STAM2: variants seen among roughly 807,000 people sequenced by gnomAD.
STAM2 encodes signal transducing adaptor molecule 2, also known as signal transducing adapter molecule 2.
Under a neutral mutation model 65.6 loss-of-function variants are expected in STAM2, and 51 were observed. The ratio of observed to expected loss-of-function variants is 0.78; its 90% CI spans 0.62 to 0.98. STAM2 has a LOEUF of 0.98. STAM2 is among the 50% of genes least tolerant of loss of function. The pLI, the probability that STAM2 is intolerant of heterozygous loss-of-function variation, is 0.00. For synonymous variants in STAM2, 198 were observed against 208.4 expected, an observed-to-expected ratio of 0.95 and a Z score of 0.43; for missense variants, 584 against 617.8, an observed-to-expected ratio of 0.95 and a Z score of 0.58.
intron 1 of STAM2, among the ~76,000 whole-genome samples, chr2:152,163,409 G>T (rs547608434): frequency 2.8e-4 from 43 of 152,306 alleles, no homozygotes; most frequent in South Asian, 8.3e-4. Context: ...CGTAAGCTGA[G>T]AATGTATGTC....
At chr2:152,147,525 C>T (rs555811522) in intron 4 of STAM2, among the ~76,000 whole-genome samples, 97 of 152,198 alleles carry the variant, frequency 6.4e-4, no homozygotes, top group Non-Finnish European at 1.0e-4. Flanking sequence ...AACACCAATT[C>T]CTAAGTCTTA....
In STAM2 at chr2:152,126,212, A is replaced by G. The variant is rs1688961602; in HGVS notation, c.1179+14T>C. 6.4e-7 allele frequency: 1 copy of G among 1,554,156 alleles called. No individual in the cohort carries two copies. Among genetic ancestry groups the G allele is most frequent in the Non-Finnish European group, 8.7e-7 (1 of 1,155,766 alleles). On this transcript the variant is annotated intron_variant, in intron 12 of 13. Coordinates refer to ENST00000263904, the MANE Select transcript of STAM2 (RefSeq NM_005843.6). ...GTTTATAATTTAGAAAATGTTCTCA[A>G]AAAACATGCTCACCTGCATTGGAAC... is the stretch of plus-strand genomic sequence containing the variant.
chr2:152,141,131 CCT>C (rs1157891810), intron 7 of STAM2, among the ~76,000 whole-genome samples: 1 of 112,466 alleles, frequency 8.9e-6, no homozygotes, highest in East Asian at 2.6e-4. Flanking sequence ...AGAGTGAGAC[CCT>C]GTCTCAAAAA....
intron 1 of STAM2, among the ~76,000 whole-genome samples, chr2:152,166,656 T>A (rs942990725): frequency 1.6e-4 from 24 of 151,956 alleles, no homozygotes; most frequent in African/African-American, 5.8e-4. Context: ...GAGAACCTAA[T>A]AAGGTATTAA....
chr2:152,168,263 T>A (rs528048570), intron 1 of STAM2, among the ~76,000 whole-genome samples: 1 of 151,902 alleles, frequency 6.6e-6, no homozygotes, highest in African/African-American at 2.4e-5. Flanking sequence ...CGGGTTCAAG[T>A]GATTCTCCTG....
intron 7 of STAM2, among the ~76,000 whole-genome samples, chr2:152,142,612 A>C (rs1244226035): frequency 6.6e-6 from 1 of 152,200 alleles, no homozygotes; most frequent in Non-Finnish European, 1.5e-5. Context: ...TACTTTCAGT[A>C]CAGTATTCAA....
In STAM2 at chr2:152,133,156, A is replaced by G; in HGVS notation, c.970+17T>C. 7.6e-7 allele frequency: 1 copy of G among 1,308,102 alleles called. No individual in the cohort carries two copies. The highest frequency in any genetic ancestry group is 1.0e-6 in the Non-Finnish European group (1 of 981,050). The allele number at this position is 1,308,102 out of a possible 1,614,324, so 81.0% of individuals were successfully genotyped here. On this transcript the variant is annotated intron_variant, in intron 10 of 13. Coordinates refer to ENST00000263904, the MANE Select transcript of STAM2 (RefSeq NM_005843.6). ...TATTAAATAATATTAAAATAATATA[A>G]AATATTCACTAAGTACCTTCTAAAT... is the stretch of plus-strand genomic sequence containing the variant.
At chr2:152,132,009 C>T (rs895198444) in intron 11 of STAM2, 105 bp downstream of exon 11, 1 of 678,804 alleles carries the variant, frequency 1.5e-6, no homozygotes, top group Non-Finnish European at 2.4e-6. Flanking sequence ...AAACAATTTC[C>T]ATGAATTGTA....
Position 152,148,043 on chromosome 2 carries a change from C to T in STAM2, c.281G>A (p.Arg94His), listed in dbSNP as rs180795314. 50 of 1,609,340 alleles carry T rather than the reference C, an allele frequency of 3.1e-5. No individual in the cohort carries two copies. In the East Asian group the frequency reaches 4.2e-4, roughly 14 times the overall value. ...ATTTACCTTATTTTTAATCACAGCACGTACTTCTGTTGCAAAATCACGGGA... is the reference window on the plus strand; with the variant it reads ...ATTTACCTTATTTTTAATCACAGCATGTACTTCTGTTGCAAAATCACGGGA... Reference protein sequence around the residue: ...VCSRDFATEVRAVIKNKAHPK... With the variant: ...VCSRDFATEVHAVIKNKAHPK... The change falls in exon 4 of 14, where the codon CGT becomes CAT. Residue 94 changes from arginine (R) to histidine (H), a missense_variant. Coordinates refer to ENST00000263904, the MANE Select transcript of STAM2 (RefSeq NM_005843.6).
intron 1 of STAM2, among the ~76,000 whole-genome samples, chr2:152,159,570 T>C (rs1689620261): frequency 6.6e-6 from 1 of 152,232 alleles, no homozygotes; most frequent in Non-Finnish European, 1.5e-5. Context: ...CCTAATCCTC[T>C]ATCATCTCCT....
intron 1 of STAM2, among the ~76,000 whole-genome samples, chr2:152,162,647 A>C (rs539557768): frequency 2.6e-5 from 4 of 152,058 alleles, no homozygotes; most frequent in Non-Finnish European, 4.4e-5. Flanking sequence ...AATTATTCTT[A>C]TTATTATAAT....
At chr2:152,170,402 G>C (rs184170123) in intron 1 of STAM2, among the ~76,000 whole-genome samples, 1 of 151,048 alleles carries the variant, frequency 6.6e-6, no homozygotes, top group Admixed American at 6.6e-5. Context: ...AAAATCATTT[G>C]AACCTGGGAG....
intron 1 of STAM2, among the ~76,000 whole-genome samples, chr2:152,157,763 C>T (rs1293040090): frequency 6.6e-6 from 1 of 152,184 alleles, no homozygotes; most frequent in Non-Finnish European, 1.5e-5. Context: ...CCAAAAAGGG[C>T]ACACCTTAGG....
chr2:152,157,781 G>A (rs902237978), intron 1 of STAM2, among the ~76,000 whole-genome samples: 3 of 152,184 alleles, frequency 2.0e-5, no homozygotes, highest in Non-Finnish European at 2.9e-5. Context: ...AGGAGGAAAA[G>A]CCCTCTAGAA....
intron 1 of STAM2, among the ~76,000 whole-genome samples, chr2:152,165,045 G>A (rs1331858208): frequency 2.0e-5 from 3 of 152,126 alleles, no homozygotes; most frequent in Non-Finnish European, 4.4e-5. Context: ...AGGAGACAGG[G>A]CAGAAGCATA....
At chr2:152,167,224 G>C (rs1252801142) in intron 1 of STAM2, among the ~76,000 whole-genome samples, 1 of 152,116 alleles carries the variant, frequency 6.6e-6, no homozygotes, top group Admixed American at 6.5e-5. Flanking sequence ...ACTAAAGAAA[G>C]GCCTCCCTGA....
intron 1 of STAM2, among the ~76,000 whole-genome samples, chr2:152,162,278 C>T (rs1689694106): frequency 6.6e-6 from 1 of 152,112 alleles, no homozygotes; most frequent in South Asian, 2.1e-4. Flanking sequence ...ATGAAGGATC[C>T]CCATAAGTGG....
chr2:152,143,051 A>T (rs1689277349), intron 7 of STAM2, among the ~76,000 whole-genome samples: 1 of 152,200 alleles, frequency 6.6e-6, no homozygotes, highest in African/African-American at 2.4e-5. Flanking sequence ...TGGTAATTTT[A>T]ACTCCCTTAT....
chr2:152,126,158 T>C, intron 12 of STAM2, 68 bp downstream of exon 12: 1 of 1,335,458 alleles, frequency 7.5e-7, no homozygotes, highest in Non-Finnish European at 1.0e-6. Flanking sequence ...TACTATGCTA[T>C]AAAACATTTT....
Sources: allele counts gnomAD v4.1 joint callset (sites outside exome capture counted in the v4.1 genomes callset), GRCh38; gene constraint gnomAD v4.1.1; transcripts MANE v1.5; gene names NCBI Gene and HGNC (gene_info 2026-07-23, HGNC 2026-07-21).